CLVS1: variants seen among roughly 807,000 people sequenced by gnomAD.
CLVS1 encodes the protein clavesin-1.
Under a neutral mutation model 33.1 loss-of-function variants are expected in CLVS1, and 10 were observed. The observed-to-expected ratio is 0.30, with a 90% CI of 0.19 to 0.51. The LOEUF (loss-of-function observed/expected upper bound fraction) is 0.51, where lower values mean the gene tolerates loss of function less well. Ranked by LOEUF, CLVS1 falls within the 20% of genes least tolerant of loss-of-function variation. CLVS1 has a pLI of 0.97. For missense variants in CLVS1, 343 were observed against 433.4 expected (o/e 0.79, Z 1.85); for synonymous variants, 163 against 166.1 (o/e 0.98, Z 0.14).
chr8:61,254,696 C>T (rs184858368), intron 2 of CLVS1, among the ~76,000 whole-genome samples: 15 of 152,056 alleles, frequency 9.9e-5, no homozygotes, highest in African/African-American at 2.2e-4. Flanking sequence ...AGTGAGGTTC[C>T]GTGGGCATAG....
chr8:61,431,363 C>G (rs773253009), intron 3 of CLVS1, among the ~76,000 whole-genome samples: 2 of 152,210 alleles, frequency 1.3e-5, no homozygotes, highest in Non-Finnish European at 2.9e-5. Context: ...CTTTGTCTCC[C>G]AAGAGGAGGC....
chr8:61,055,111 T>C (rs1052254779), upstream of CLVS1, among the ~76,000 whole-genome samples: 5 of 152,214 alleles, frequency 3.3e-5, no homozygotes, highest in Admixed American at 2.6e-4. Flanking sequence ...CTCAAAAAAC[T>C]TCATTAAATG....
intron 2 of CLVS1, among the ~76,000 whole-genome samples, chr8:61,169,788 A>G (rs1563429575): frequency 6.6e-6 from 1 of 152,136 alleles, no homozygotes; most frequent in Non-Finnish European, 1.5e-5. Flanking sequence ...CATATTTGTG[A>G]GACTCCCATG....
At chr8:61,484,367 C>T (rs1803789584) in intron 5 of CLVS1, among the ~76,000 whole-genome samples, 2 of 152,054 alleles carry the variant, frequency 1.3e-5, no homozygotes, top group South Asian at 4.2e-4. Flanking sequence ...AATAAAATAC[C>T]TAGGAATCCA....
intron 2 of CLVS1, among the ~76,000 whole-genome samples, chr8:61,343,450 CAG>C (rs1380297614): frequency 6.6e-6 from 1 of 152,162 alleles, no homozygotes; most frequent in Non-Finnish European, 1.5e-5. Flanking sequence ...TGGTCTGTGA[CAG>C]TATGATTCAG....
chr8:61,489,452 C>T (rs542685432), intron 5 of CLVS1, among the ~76,000 whole-genome samples: 11 of 152,342 alleles, frequency 7.2e-5, no homozygotes, highest in African/African-American at 1.9e-4. Context: ...CTTGGAGGCT[C>T]AGTTTCCTGA....
chr8:61,262,823 A>G (rs2919313), intron 2 of CLVS1, among the ~76,000 whole-genome samples: 104,368 of 151,954 alleles, frequency 0.69, 38,241 homozygotes, highest in East Asian at 0.97. Flanking sequence ...TTCTTGCCTG[A>G]GGTCTACCAG....
chr8:61,458,569 C>T (rs776852944), intron 5 of CLVS1, 27 bp downstream of exon 5: 74 of 1,473,226 alleles, frequency 5.0e-5, no homozygotes, highest in East Asian at 2.3e-4. Flanking sequence ...CAGAGCCCCC[C>T]CCCCAGTCAG....
rs185520627 is a variant in CLVS1 at position 61,380,120 on chromosome 8, T to C, written c.630+3341T>C. Among the ~76,000 whole-genome samples, 7 of 152,326 alleles carry C rather than the reference T, an allele frequency of 4.6e-5. No homozygotes were observed. The East Asian group carries it at 1.2e-3, about 25-fold the overall frequency. On this transcript the variant is annotated intron_variant, in intron 3 of 5. Transcript: ENST00000325897. Reference sequence around the variant, plus strand: ...AATCAGGATATATACCTGTGTTTTCTGGATTACTCACATTCCCAATAGACT... The same window carrying C: ...AATCAGGATATATACCTGTGTTTTCCGGATTACTCACATTCCCAATAGACT...
intron 2 of CLVS1, among the ~76,000 whole-genome samples, chr8:61,304,708 A>C (rs945025950): frequency 6.6e-6 from 1 of 152,182 alleles, no homozygotes; most frequent in Non-Finnish European, 1.5e-5. Context: ...GCAGGCTTGC[A>C]CTTGGTCATA....
At chr8:61,290,326 G>C (rs1200328563) in intron 1 of CLVS1, among the ~76,000 whole-genome samples, 2 of 152,112 alleles carry the variant, frequency 1.3e-5, no homozygotes, top group African/African-American at 4.8e-5. Flanking sequence ...ATGTATCCTG[G>C]CTTCCTTACT....
At chr8:61,038,718 C>T in the CLVS1 span, among the ~76,000 whole-genome samples, 33 of 152,234 alleles carry the variant, frequency 2.2e-4, no homozygotes, top group African/African-American at 2.9e-4. Flanking sequence ...TCATTGTGAA[C>T]GTGCATGTGT....
chr8:61,198,211 C>A (rs1807656265), intron 2 of CLVS1, among the ~76,000 whole-genome samples: 2 of 152,186 alleles, frequency 1.3e-5, no homozygotes, highest in Admixed American at 1.3e-4. Flanking sequence ...ATCTAATATA[C>A]AACCCACAAT....
intron 1 of CLVS1, among the ~76,000 whole-genome samples, chr8:61,060,611 C>T (rs917702968): frequency 1.3e-5 from 2 of 152,180 alleles, no homozygotes; most frequent in Non-Finnish European, 2.9e-5. Context: ...GTGCCCACAG[C>T]GCCCCTTCCC....
the CLVS1 span, among the ~76,000 whole-genome samples, chr8:61,048,693 GAGA>G: frequency 6.6e-6 from 1 of 152,094 alleles, no homozygotes; most frequent in African/African-American, 2.4e-5. Context: ...GGTAGTGGTG[GAGA>G]AGATCACTCT....
At chr8:61,222,592 C>A (rs1808239360) in intron 2 of CLVS1, among the ~76,000 whole-genome samples, 1 of 152,234 alleles carries the variant, frequency 6.6e-6, no homozygotes, top group East Asian at 1.9e-4. Context: ...TCTTTTACTT[C>A]CAATTATGTG....
rs963715246 is a variant in CLVS1, at chr8:61,499,744, T to TC, written c.*207dup. ...AAAGACTTGAGAGATGCTTTTTTTT[T>TC]CCCCCAGTGAGGGGACTGGAGGATG... On this transcript the variant is annotated 3_prime_UTR_variant, in exon 6 of 6. Transcript: ENST00000325897. 4.3e-5 allele frequency: 17 copies of TC among 390,820 alleles called. No homozygotes were observed. The highest frequency in any genetic ancestry group is 2.0e-4 in the African/African-American group (10 of 49,562). The allele number at this position is 390,820 out of a possible 1,614,324, so 24.2% of individuals were successfully genotyped here.
chr8:61,307,466 A>G (rs991067227), intron 2 of CLVS1, among the ~76,000 whole-genome samples: 1 of 152,152 alleles, frequency 6.6e-6, no homozygotes, highest in African/African-American at 2.4e-5. Context: ...TGGATTGAAG[A>G]TGAAGAAGTA....
In CLVS1 at chr8:61,066,000, C is replaced by T. The variant is rs192377341; in HGVS notation, c.-243+8770C>T. Among the ~76,000 whole-genome samples, 546 of 152,230 alleles carry T rather than the reference C, an allele frequency of 3.6e-3. 2 individuals are homozygous for T. The highest frequency in any genetic ancestry group is 0.014 in the Middle Eastern group (4 of 294). ...GTGAGACCTGGAACATAACATACAG[C>T]ATGATCACATTTATGATAAAAACAG... On this transcript the variant is annotated intron_variant, in intron 1 of 2. Transcript: ENST00000522621.
Sources: allele counts gnomAD v4.1 joint callset (sites outside exome capture counted in the v4.1 genomes callset), GRCh38; gene constraint gnomAD v4.1.1; transcripts MANE v1.5; gene names NCBI Gene and HGNC (gene_info 2026-07-23, HGNC 2026-07-21).